The following SHISA6 variants were observed in gnomAD, a reference collection of about 807,000 sequenced individuals.
The protein encoded by SHISA6 is protein shisa-6.
A neutral mutation model predicts 47.9 loss-of-function variants in SHISA6; 22 were observed. The ratio of observed to expected loss-of-function variants is 0.46; its 90% confidence interval spans 0.33 to 0.66. The LOEUF (loss-of-function observed/expected upper bound fraction) is 0.66, where lower values mean the gene tolerates loss of function less well. Ranked by LOEUF, SHISA6 falls within the 30% of genes least tolerant of loss-of-function variation. The pLI, the probability that SHISA6 is intolerant of heterozygous loss-of-function variation, is 0.02. For synonymous variants in SHISA6, 388 were observed against 337.8 expected, an observed-to-expected ratio of 1.15 and a Z score of -1.63; for missense variants, 680 against 764.6, an observed-to-expected ratio of 0.89 and a Z score of 1.30.
Position 11,242,019 on chromosome 17 carries a change from C to A in SHISA6, c.597C>A (p.Tyr199Ter). 1 of 1,550,982 alleles carries A rather than the reference C, an allele frequency of 6.4e-7. No individual in the cohort carries two copies. The change falls in exon 1 of 6, where the codon TAC becomes TAA. Residue 199 changes from tyrosine to a stop codon, truncating the protein, a stop_gained. Transcript: ENST00000441885. LOFTEE classifies it high-confidence loss of function. The stretch of plus-strand genomic sequence containing the variant: ...CCGGCGTCTTCGCCAAGGTCTCCTA[C>A]GACAAGGCCCACCGCCCTCCACGGG... ...IVAGVFAKVS[Y>*]DKAHRPPREM...
At chr17:11,330,924 G>A (rs953212489) in intron 2 of SHISA6, among the ~76,000 whole-genome samples, 1 of 152,174 alleles carries the variant, frequency 6.6e-6, no homozygotes, top group Non-Finnish European at 1.5e-5. Flanking sequence ...CACGTATAGT[G>A]ACAACATGAA....
chr17:11,353,635 G>C (rs1911976630), intron 2 of SHISA6, among the ~76,000 whole-genome samples: 1 of 152,134 alleles, frequency 6.6e-6, no homozygotes, highest in African/African-American at 2.4e-5. Context: ...CCTGGGAACA[G>C]GTCTGCCCGT....
chr17:11,306,835 C>T (rs1910126113), intron 2 of SHISA6, among the ~76,000 whole-genome samples: 1 of 152,202 alleles, frequency 6.6e-6, no homozygotes, highest in African/African-American at 2.4e-5. Flanking sequence ...TTATCCTTTG[C>T]TTCTTTGACC....
At chr17:11,480,858 A>G (rs1916192260) in intron 3 of SHISA6, among the ~76,000 whole-genome samples, 2 of 152,198 alleles carry the variant, frequency 1.3e-5, no homozygotes, top group African/African-American at 2.4e-5. Context: ...TTCTGGGGCT[A>G]TTTTAAATTG....
rs559580576 is a variant in SHISA6 at position 11,506,340 on chromosome 17, G to A, written c.896-45556G>A. ...CTTAATTACTGTCTGCAATTACTTTGGGGAGATGACATAGAAGAGCAAAAG... is the reference window on the plus strand; with the variant it reads ...CTTAATTACTGTCTGCAATTACTTTAGGGAGATGACATAGAAGAGCAAAAG... On this transcript the variant is annotated intron_variant, in intron 3 of 5. Coordinates refer to ENST00000441885, the MANE Select transcript of SHISA6 (RefSeq NM_207386.4). Among the ~76,000 whole-genome samples the A allele has an allele frequency of 3.9e-5, 6 of 152,074 alleles. No homozygotes were observed. The South Asian group carries it at 1.2e-3, about 32-fold the overall frequency.
intron 1 of SHISA6, among the ~76,000 whole-genome samples, chr17:11,261,259 G>A (rs1427612267): frequency 6.6e-6 from 1 of 152,212 alleles, no homozygotes; most frequent in African/African-American, 2.4e-5. Flanking sequence ...TCACACATGG[G>A]TGTGGGACCA....
Position 11,560,073 on chromosome 17 carries a change from G to A in SHISA6, c.*1769G>A, listed in dbSNP as rs987109758. On this transcript the variant is annotated 3_prime_UTR_variant, in exon 6 of 6. Coordinates refer to ENST00000441885, the MANE Select transcript of SHISA6 (RefSeq NM_207386.4). Reference sequence around the variant, plus strand: ...GCCCTTTAAAAAGGCGAGTGTAGAAGGAGAATTTATTGGTGTCAGCCCTGG... The same window carrying A: ...GCCCTTTAAAAAGGCGAGTGTAGAAAGAGAATTTATTGGTGTCAGCCCTGG... 6.6e-6 allele frequency: 1 copy of A among 152,180 alleles called. No individual in the cohort carries two copies. Among genetic ancestry groups the A allele is most frequent in the African/African-American group, 2.4e-5 (1 of 41,436 alleles). The allele number at this position is 152,180 out of a possible 1,614,324, so 9.4% of individuals were successfully genotyped here. A position where few individuals can be genotyped will look rare whatever the true frequency, so the allele number is the denominator to read the frequency against.
At chr17:11,491,336 C>T (rs1916470461) in intron 3 of SHISA6, among the ~76,000 whole-genome samples, 1 of 152,106 alleles carries the variant, frequency 6.6e-6, no homozygotes, top group Non-Finnish European at 1.5e-5. Context: ...GTTACCTAGG[C>T]TGTAATGCAG....
intron 2 of SHISA6, among the ~76,000 whole-genome samples, chr17:11,317,501 C>T (rs1597455088): frequency 6.7e-6 from 1 of 149,792 alleles, no homozygotes; most frequent in South Asian, 2.2e-4. Flanking sequence ...AATATATATA[C>T]ATAAATACAC....
Position 11,558,225 on chromosome 17 carries a change from A to T in SHISA6, c.1577A>T (p.His526Leu). 1 of 1,541,448 alleles carries T rather than the reference A, an allele frequency of 6.5e-7. No individual in the cohort carries two copies. The highest frequency in any genetic ancestry group is 2.0e-5 in the Admixed American group (1 of 51,014). ...CGTCATGCCTTTGCCTCACGCAGAC[A>T]CAACACGGTGGAGCAGCTGCACTAC... Reference protein sequence around the residue: ...AKRHAFASRRHNTVEQLHYIP... With the variant: ...AKRHAFASRRLNTVEQLHYIP... The change falls in exon 6 of 6, where the codon CAC becomes CTC. Residue 526 changes from histidine to leucine, a missense_variant. By Grantham distance (99) the His-to-Leu change is moderately conservative. Transcript: ENST00000441885.
At chr17:11,317,266 C>T (rs1293626325) in intron 2 of SHISA6, among the ~76,000 whole-genome samples, 1 of 151,580 alleles carries the variant, frequency 6.6e-6, no homozygotes, top group Non-Finnish European at 1.5e-5. Context: ...TTAAATGTTT[C>T]TCTATTGTAT....
In SHISA6 at chr17:11,329,903, TCTCC is replaced by T. The variant is rs377012718; in HGVS notation, c.800-49495_800-49492del. Among the ~76,000 whole-genome samples, 261 of 152,022 alleles carry T rather than the reference TCTCC, an allele frequency of 1.7e-3. 1 individual carries two copies. The highest frequency in any genetic ancestry group is 5.6e-3 in the African/African-American group (233 of 41,516). On this transcript the variant is annotated intron_variant, in intron 2 of 5. Coordinates refer to ENST00000441885, the MANE Select transcript of SHISA6 (RefSeq NM_207386.4). ...CCAGTGATGCTTTTCTCTCTTTCTC[TCTCC>T]CTCCCTCCCTCCCTCTCCCTCCTGT...
intron 1 of SHISA6, among the ~76,000 whole-genome samples, chr17:11,254,864 G>A (rs79251376): frequency 0.032 from 4,925 of 152,302 alleles, 258 homozygotes; most frequent in African/African-American, 0.11. Context: ...TGGGACGTGG[G>A]TTCAACTTCA....
intron 3 of SHISA6, among the ~76,000 whole-genome samples, chr17:11,441,871 T>G (rs1915103344): frequency 6.6e-6 from 1 of 152,196 alleles, no homozygotes; most frequent in Non-Finnish European, 1.5e-5. Flanking sequence ...CAAGGGGGCC[T>G]TCTGTGAGCA....
chr17:11,319,165 G>A (rs1015569822), intron 2 of SHISA6, among the ~76,000 whole-genome samples: 30 of 148,138 alleles, frequency 2.0e-4, no homozygotes, highest in South Asian at 1.9e-3. Flanking sequence ...TGCAACCTCC[G>A]CCTCCCGGGT....
intron 2 of SHISA6, among the ~76,000 whole-genome samples, chr17:11,331,074 C>G (rs541527152): frequency 6.6e-6 from 1 of 152,274 alleles, no homozygotes; most frequent in South Asian, 2.1e-4. Context: ...GTCAGATTCC[C>G]CCATCTGGGA....
intron 2 of SHISA6, among the ~76,000 whole-genome samples, chr17:11,360,805 A>G (rs1295143247): frequency 6.6e-6 from 1 of 151,588 alleles, no homozygotes; most frequent in Non-Finnish European, 1.5e-5. Flanking sequence ...AATTAAAAAA[A>G]AAAAAAAAGA....
intron 3 of SHISA6, among the ~76,000 whole-genome samples, chr17:11,479,675 C>A (rs1475574594): frequency 6.6e-6 from 1 of 151,626 alleles, no homozygotes; most frequent in Non-Finnish European, 1.5e-5. Context: ...AATTTTAATT[C>A]CTCCCTTTCA....
intron 3 of SHISA6, among the ~76,000 whole-genome samples, chr17:11,494,432 A>G (rs1324480590): frequency 6.6e-6 from 1 of 152,122 alleles, no homozygotes; most frequent in Non-Finnish European, 1.5e-5. Flanking sequence ...ATGTGCTATT[A>G]TATTAGCTAA....
Sources: gnomAD v4.1 joint callset for allele counts (sites outside exome capture counted in the v4.1 genomes callset) on GRCh38, gnomAD v4.1.1 for gene constraint, MANE v1.5 for transcripts, NCBI Gene and HGNC (gene_info 2026-07-23, HGNC 2026-07-21) for gene names.